DPF3: variants seen among roughly 807,000 people sequenced by gnomAD.
The protein encoded by DPF3 is zinc finger protein DPF3.
Under a neutral mutation model 56.8 loss-of-function variants are expected in DPF3, and 18 were observed. That is an observed-to-expected ratio of 0.32 (90% confidence interval 0.22 to 0.47). The LOEUF is 0.47. Among genes scored for constraint, DPF3 ranks in the 20% least tolerant of loss-of-function variants. DPF3 has a pLI of 1.00. For missense variants in DPF3, 403 were observed against 488.8 expected (o/e 0.82, Z 1.65); for synonymous variants, 188 against 180.2 (o/e 1.04, Z -0.35).
intron 4 of DPF3, among the ~76,000 whole-genome samples, chr14:72,727,278 G>A (rs1889443527): frequency 6.6e-6 from 1 of 152,152 alleles, no homozygotes; most frequent in Non-Finnish European, 1.5e-5. Flanking sequence ...ATAGGGTTGA[G>A]GTTAAATCCC....
At chr14:72,753,116 G>A (rs1366409566) in intron 3 of DPF3, 148 bp downstream of exon 3, 3 of 652,056 alleles carry the variant, frequency 4.6e-6, no homozygotes, top group Admixed American at 3.0e-5. Flanking sequence ...AGGCACAGAG[G>A]TGCACCCTTA....
chr14:72,677,260 A>G lies in DPF3; in HGVS notation c.743-2892T>C, dbSNP rs1350929900. Among the ~76,000 whole-genome samples the G allele has an allele frequency of 2.6e-5, 4 of 152,288 alleles. No homozygotes were observed. The East Asian group carries it at 7.7e-4, about 29-fold the overall frequency. On this transcript the variant is annotated intron_variant, in intron 7 of 10. Transcript: ENST00000556509. ...AGCTGTTTTATTTTTCAGAGAAATCATTTTTGCTTCAGTTTCTACTCTTTC... is the reference window on the plus strand; with the variant it reads ...AGCTGTTTTATTTTTCAGAGAAATCGTTTTTGCTTCAGTTTCTACTCTTTC...
intron 1 of DPF3, among the ~76,000 whole-genome samples, chr14:72,886,186 AC>A (rs1389145418): frequency 6.6e-6 from 1 of 152,210 alleles, no homozygotes; most frequent in Non-Finnish European, 1.5e-5. Context: ...AGCCTGGCCA[AC>A]ATGGTGAAAT....
chr14:72,892,093 G>T, intron 1 of DPF3: 1 of 1,487,514 alleles, frequency 6.7e-7, no homozygotes, highest in Non-Finnish European at 8.9e-7. Context: ...GCCCGCCCGC[G>T]CGAAAGCGGG....
At chr14:72,662,741 G>A in intron 8 of DPF3, 1 of 993,736 alleles carries the variant, frequency 1.0e-6, no homozygotes, top group Non-Finnish European at 1.2e-6. Context: ...AAGAGGAGGA[G>A]GAGGAGGAGG....
chr14:72,686,318 G>A (rs1887409009), intron 7 of DPF3, among the ~76,000 whole-genome samples: 2 of 152,256 alleles, frequency 1.3e-5, no homozygotes, highest in African/African-American at 2.4e-5. Flanking sequence ...ATGGGACAGA[G>A]ATGGGACATT....
At chr14:72,704,115 G>T (rs925225912) in intron 6 of DPF3, among the ~76,000 whole-genome samples, 1 of 152,166 alleles carries the variant, frequency 6.6e-6, no homozygotes, top group Non-Finnish European at 1.5e-5. Flanking sequence ...TGGCTAGGAA[G>T]TGACCTGGTA....
At chr14:72,654,305 T>A (rs1886006231) in intron 8 of DPF3, among the ~76,000 whole-genome samples, 1 of 152,084 alleles carries the variant, frequency 6.6e-6, no homozygotes, top group Non-Finnish European at 1.5e-5. Context: ...CCACTCTTGC[T>A]CTCAGTGGTC....
intron 1 of DPF3, among the ~76,000 whole-genome samples, chr14:72,870,497 T>G (rs1885854124): frequency 6.6e-6 from 1 of 152,238 alleles, no homozygotes; most frequent in Non-Finnish European, 1.5e-5. Flanking sequence ...GGACCCAATA[T>G]CAGCACCAAT....
intron 4 of DPF3, among the ~76,000 whole-genome samples, chr14:72,728,163 C>T (rs541299782): frequency 5.3e-5 from 8 of 152,306 alleles, no homozygotes. Context: ...CAAAAAAATA[C>T]TCTAGCAAGT....
At chr14:72,757,637 T>A (rs1890891936) in intron 2 of DPF3, among the ~76,000 whole-genome samples, 1 of 152,056 alleles carries the variant, frequency 6.6e-6, no homozygotes, top group Non-Finnish European at 1.5e-5. Context: ...AAATACAATT[T>A]AAAAAAATAC....
intron 1 of DPF3, among the ~76,000 whole-genome samples, chr14:72,777,829 A>C (rs934309190): frequency 1.3e-5 from 2 of 152,156 alleles, no homozygotes; most frequent in African/African-American, 4.8e-5. Flanking sequence ...GCTCCCCAGA[A>C]GCCAAGCAGA....
intron 8 of DPF3, among the ~76,000 whole-genome samples, chr14:72,653,740 A>G (rs906713042): frequency 1.3e-5 from 2 of 152,220 alleles, no homozygotes; most frequent in Admixed American, 6.5e-5. Context: ...ATCTCAGGAT[A>G]TCCCACACTC....
intron 2 of DPF3, among the ~76,000 whole-genome samples, chr14:72,771,019 T>C (rs1050026562): frequency 3.3e-5 from 5 of 151,678 alleles, no homozygotes; most frequent in African/African-American, 1.2e-4. Flanking sequence ...CTACTAAAAA[T>C]ACAAAAACTA....
intron 1 of DPF3, among the ~76,000 whole-genome samples, chr14:72,863,555 T>TAAAAAAAAA (rs76280301): frequency 9.6e-6 from 1 of 104,344 alleles, no homozygotes. Flanking sequence ...TGTAGGATTC[T>TAAAAAAAAA]AAAAAAAAAA....
intron 10 of DPF3, 79 bp downstream of exon 10, chr14:72,619,824 G>T: frequency 7.5e-7 from 1 of 1,331,256 alleles, no homozygotes; most frequent in Non-Finnish European, 1.0e-6. Flanking sequence ...CATAAGGCCT[G>T]TACCATAGTG....
chr14:72,795,092 T>C (rs1892581415), intron 1 of DPF3, among the ~76,000 whole-genome samples: 1 of 151,946 alleles, frequency 6.6e-6, no homozygotes, highest in Admixed American at 6.6e-5. Context: ...TAAGGTAACA[T>C]ATTCATAGGT....
intron 1 of DPF3, among the ~76,000 whole-genome samples, chr14:72,813,906 G>A (rs745743715): frequency 1.3e-5 from 2 of 152,150 alleles, no homozygotes; most frequent in Non-Finnish European, 2.9e-5. Flanking sequence ...ATCAGTGTGG[G>A]AAGGATGCAG....
chr14:72,619,780 A>C (rs777941362), intron 10 of DPF3, 123 bp downstream of exon 10: 56 of 967,978 alleles, frequency 5.8e-5, no homozygotes, highest in Non-Finnish European at 7.5e-5. Context: ...GTGATGATTA[A>C]ATGAGACAAG....
Sources: gnomAD v4.1 joint callset for allele counts (sites outside exome capture counted in the v4.1 genomes callset) on GRCh38, gnomAD v4.1.1 for gene constraint, MANE v1.5 for transcripts, NCBI Gene and HGNC (gene_info 2026-07-23, HGNC 2026-07-21) for gene names.